The following GALNTL6 variants were observed in gnomAD, a reference collection of about 807,000 sequenced individuals.
The protein encoded by GALNTL6 is polypeptide N-acetylgalactosaminyltransferase-like 6.
GALNTL6 carries 46 observed loss-of-function variants against 73.7 expected under a neutral mutation model. The observed-to-expected ratio is 0.62, with a 90% confidence interval of 0.49 to 0.80. The LOEUF (loss-of-function observed/expected upper bound fraction) is 0.80, where lower values mean the gene tolerates loss of function less well. Ranked by LOEUF, GALNTL6 falls within the 30% of genes least tolerant of loss-of-function variation. GALNTL6 has a pLI of 0.00. For synonymous variants in GALNTL6, 259 were observed against 263.7 expected (o/e 0.98, Z 0.17); for missense variants, 604 against 755.0 (o/e 0.80, Z 2.34).
chr4:172,185,996 T>C (rs1448103475), intron 2 of GALNTL6, among the ~76,000 whole-genome samples: 2 of 152,292 alleles, frequency 1.3e-5, no homozygotes, highest in African/African-American at 4.8e-5. Flanking sequence ...AATGAAGATA[T>C]AAAACTATCA....
intron 2 of GALNTL6, among the ~76,000 whole-genome samples, chr4:172,152,762 C>G (rs906554885): frequency 3.3e-5 from 5 of 152,264 alleles, no homozygotes; most frequent in African/African-American, 1.2e-4. Flanking sequence ...GCACCCACCA[C>G]GACGACAAGC....
chr4:172,330,710 C>T (rs1741095685), intron 4 of GALNTL6, among the ~76,000 whole-genome samples: 1 of 152,114 alleles, frequency 6.6e-6, no homozygotes. Context: ...GCTTTTGAAG[C>T]TCAGCGTTTA....
intron 2 of GALNTL6, among the ~76,000 whole-genome samples, chr4:171,933,012 A>G (rs1348549798): frequency 6.6e-6 from 1 of 152,194 alleles, no homozygotes. Context: ...AGGCTCATTC[A>G]TAGACTTATG....
intron 9 of GALNTL6, among the ~76,000 whole-genome samples, chr4:172,945,928 G>C (rs1050848872): frequency 6.6e-6 from 1 of 152,126 alleles, no homozygotes; most frequent in Non-Finnish European, 1.5e-5. Flanking sequence ...TAAAAGGGCT[G>C]TGGGGTGGGA....
intron 2 of GALNTL6, among the ~76,000 whole-genome samples, chr4:171,963,891 T>G (rs1187306008): frequency 6.6e-6 from 1 of 152,192 alleles, no homozygotes; most frequent in Non-Finnish European, 1.5e-5. Flanking sequence ...TTATGGACTA[T>G]TTTATTGAAG....
At chr4:172,663,973 C>A (rs1731525729) in intron 5 of GALNTL6, among the ~76,000 whole-genome samples, 1 of 149,504 alleles carries the variant, frequency 6.7e-6, no homozygotes, top group Non-Finnish European at 1.5e-5. Context: ...TGCCCAACTG[C>A]CACCTGAACA....
At chr4:172,213,673 T>C (rs1322313320) in intron 2 of GALNTL6, among the ~76,000 whole-genome samples, 2 of 152,170 alleles carry the variant, frequency 1.3e-5, no homozygotes, top group East Asian at 3.8e-4. Flanking sequence ...CAATCCCTTA[T>C]CAGATATGTA....
At chr4:172,732,252 C>T (rs996030591) in intron 5 of GALNTL6, among the ~76,000 whole-genome samples, 15 of 152,084 alleles carry the variant, frequency 9.9e-5, no homozygotes, top group African/African-American at 3.6e-4. Context: ...TACTTATATC[C>T]TCTTATTGAA....
intron 2 of GALNTL6, among the ~76,000 whole-genome samples, chr4:172,008,509 C>T (rs1740902554): frequency 2.0e-5 from 3 of 151,828 alleles, no homozygotes; most frequent in Admixed American, 2.0e-4. Flanking sequence ...AACTCAGTAC[C>T]TCCTTTTGTT....
At position 172,155,836 on chromosome 4, in the gene GALNTL6, A is replaced by G. The variant is rs1297892067; in HGVS notation, c.139-73820A>G. Among the ~76,000 whole-genome samples the G allele has an allele frequency of 3.3e-5, 5 of 151,912 alleles. No individual in the cohort carries two copies. The South Asian group carries it at 1.0e-3, about 32-fold the overall frequency. ...AATAGAATTCTGACCACACTACTCC[A>G]TTTTCTAACCTTTCTTACTTTCCAT... On this transcript the variant is annotated intron_variant, in intron 2 of 12. Coordinates refer to ENST00000506823, the MANE Select transcript of GALNTL6 (RefSeq NM_001034845.3).
chr4:172,687,496 C>T (rs546799759), intron 5 of GALNTL6, among the ~76,000 whole-genome samples: 31 of 151,876 alleles, frequency 2.0e-4, no homozygotes, highest in African/African-American at 6.5e-4. Context: ...GGCACAGAGG[C>T]GTGTACCTGT....
intron 2 of GALNTL6, among the ~76,000 whole-genome samples, chr4:171,929,892 C>T (rs538568677): frequency 6.6e-6 from 1 of 152,218 alleles, no homozygotes. Flanking sequence ...GGTCCCCCTG[C>T]ACTTGCACTC....
chr4:172,376,711 C>T (rs545181180), intron 5 of GALNTL6, among the ~76,000 whole-genome samples: 29 of 152,078 alleles, frequency 1.9e-4, no homozygotes, highest in African/African-American at 6.7e-4. Context: ...CGCTTGGTGA[C>T]AGGCAGTTGT....
chr4:171,970,104 G>T (rs1739519422), intron 2 of GALNTL6, among the ~76,000 whole-genome samples: 2 of 152,108 alleles, frequency 1.3e-5, no homozygotes, highest in Non-Finnish European at 2.9e-5. Context: ...GAAAATTATG[G>T]ATTCAACTTG....
chr4:172,843,474 C>T (rs1209669894), intron 7 of GALNTL6, among the ~76,000 whole-genome samples: 1 of 152,204 alleles, frequency 6.6e-6, no homozygotes, highest in Non-Finnish European at 1.5e-5. Flanking sequence ...CAGCTGACAG[C>T]CTCCTGCACT....
At chr4:172,029,137 G>A (rs980013004) in intron 2 of GALNTL6, among the ~76,000 whole-genome samples, 3 of 151,708 alleles carry the variant, frequency 2.0e-5, no homozygotes, top group Non-Finnish European at 4.4e-5. Flanking sequence ...TTCAATTATT[G>A]AAAATCTTTT....
intron 2 of GALNTL6, among the ~76,000 whole-genome samples, chr4:172,174,810 T>C (rs1298652361): frequency 1.3e-5 from 2 of 152,136 alleles, no homozygotes; most frequent in South Asian, 2.1e-4. Context: ...GTACACAAAA[T>C]AATCAATATG....
chr4:172,362,956 CTTG>C (rs1742422442), intron 5 of GALNTL6, among the ~76,000 whole-genome samples: 2 of 152,242 alleles, frequency 1.3e-5, no homozygotes, highest in South Asian at 2.1e-4. Context: ...GTCCTTGTGG[CTTG>C]TTGTTCTGTT....
chr4:172,583,198 G>T (rs995346265), intron 5 of GALNTL6, among the ~76,000 whole-genome samples: 14 of 152,032 alleles, frequency 9.2e-5, no homozygotes, highest in Non-Finnish European at 2.1e-4. Flanking sequence ...AAACATGTGA[G>T]AAAATACTCA....
Sources: gnomAD v4.1 joint callset for allele counts (sites outside exome capture counted in the v4.1 genomes callset) on GRCh38, gnomAD v4.1.1 for gene constraint, MANE v1.5 for transcripts, NCBI Gene and HGNC (gene_info 2026-07-23, HGNC 2026-07-21) for gene names.